The following CFH variants were observed in gnomAD, a reference collection of about 807,000 sequenced individuals.
CFH encodes complement factor H.
CFH carries 53 observed loss-of-function variants against 147.3 expected under a neutral mutation model. That is an observed-to-expected ratio of 0.36 (90% CI 0.29 to 0.45). CFH has a LOEUF of 0.45. Ranked by LOEUF, CFH falls within the 20% of genes least tolerant of loss-of-function variation. The probability of loss-of-function intolerance (pLI) is 1.00; values close to 1 mark genes in which losing one functional copy is unlikely to be tolerated. For missense variants in CFH, 1,380 were observed against 1,498.0 expected, an observed-to-expected ratio of 0.92 and a Z score of 1.30; for synonymous variants, 536 against 489.4, an observed-to-expected ratio of 1.10 and a Z score of -1.26.
intron 9 of CFH, among the ~76,000 whole-genome samples, chr1:196,697,791 G>A (rs757269929): frequency 5.3e-5 from 8 of 152,094 alleles, no homozygotes; most frequent in South Asian, 4.1e-4. Context: ...TTAAGAAAAT[G>A]TGGCACATAT....
At chr1:196,701,387 C>A in intron 9 of CFH, 3 of 1,613,078 alleles carry the variant, frequency 1.9e-6, no homozygotes, top group Non-Finnish European at 2.5e-6. Flanking sequence ...ATGACAAGGG[C>A]CAATGGAACC....
Position 196,740,606 on chromosome 1 carries a change from C to A in CFH, c.2783-13C>A. ...TGAGTTAGTGAAACCTGAATTCATT[C>A]TTTTTTTTTTAGGCCTTCCTTGTAA... On this transcript the variant is annotated splice_polypyrimidine_tract_variant and intron_variant, in intron 17 of 21. Coordinates refer to ENST00000367429, the MANE Select transcript of CFH (RefSeq NM_000186.4). The A allele has an allele frequency of 7.2e-7, 1 of 1,396,660 alleles. No individual in the cohort carries two copies. Among genetic ancestry groups the A allele is most frequent in the South Asian group, 1.3e-5 (1 of 78,402 alleles). The allele number at this position is 1,396,660 out of a possible 1,614,324, so 86.5% of individuals were successfully genotyped here.
intron 7 of CFH, among the ~76,000 whole-genome samples, chr1:196,686,305 T>C (rs1188238852): frequency 2.6e-5 from 4 of 152,032 alleles, no homozygotes; most frequent in Non-Finnish European, 5.9e-5. Context: ...CCAGCATATA[T>C]CCAAGGGGAG....
At chr1:196,703,188 T>C (rs966095361) in intron 9 of CFH, among the ~76,000 whole-genome samples, 12 of 152,154 alleles carry the variant, frequency 7.9e-5, no homozygotes, top group Non-Finnish European at 1.3e-4. Flanking sequence ...ACCCTAGTAG[T>C]CCCTGGACCA....
At chr1:196,699,719 G>A (rs973062081) in intron 9 of CFH, among the ~76,000 whole-genome samples, 1 of 152,112 alleles carries the variant, frequency 6.6e-6, no homozygotes, top group African/African-American at 2.4e-5. Flanking sequence ...ATGCGTTACT[G>A]TTCCAGTATC....
chr1:196,746,499 T>C (rs1653009834), intron 21 of CFH, among the ~76,000 whole-genome samples: 1 of 152,240 alleles, frequency 6.6e-6, no homozygotes, highest in Admixed American at 6.5e-5. Context: ...TTATATTTTA[T>C]TTTAAAGCAT....
At chr1:196,711,758 C>T (rs1450048678) in intron 9 of CFH, among the ~76,000 whole-genome samples, 1 of 151,964 alleles carries the variant, frequency 6.6e-6, no homozygotes, top group African/African-American at 2.4e-5. Flanking sequence ...AAATGTCTCC[C>T]TGTGTTGTGT....
In CFH at chr1:196,715,623, C is replaced by T. The variant is rs897349638; in HGVS notation, c.1550C>T (p.Ala517Val). The stretch of plus-strand genomic sequence containing the variant: ...TGTGATATCCCAGTATTTATGAATG[C>T]CAGAACTAAAAATGACTTCACATGG... The part of the protein sequence containing the change: ...KSCDIPVFMN[A>V]RTKNDFTWFK... The change falls in exon 11 of 22, where the codon GCC becomes GTC. Residue 517 changes from alanine (A) to valine (V), a missense_variant. This residue lies in a region of CFH where 830 missense variants were observed against 821.4 expected (regional missense o/e 1.01). Transcript: ENST00000367429. 3.7e-6 allele frequency: 6 copies of T among 1,612,246 alleles called. No homozygotes were observed. Among genetic ancestry groups the T allele is most frequent in the Non-Finnish European group, 3.4e-6 (4 of 1,178,952 alleles).
intron 1 of CFH, among the ~76,000 whole-genome samples, chr1:196,664,179 TCA>T (rs573392142): frequency 2.6e-4 from 40 of 152,192 alleles, no homozygotes; most frequent in African/African-American, 9.4e-4. Flanking sequence ...TCCCAGCCTC[TCA>T]CATAGCTGGG....
Position 196,747,131 on chromosome 1 carries a change from G to T in CFH, c.3514G>T (p.Glu1172Ter), listed in dbSNP as rs121913060. The T allele has an allele frequency of 1.9e-6, 3 of 1,613,782 alleles. No individual in the cohort carries two copies. The highest frequency in any genetic ancestry group is 1.7e-5 in the Admixed American group (1 of 60,000). The change falls in exon 22 of 22, where the codon GAA (glutamate) becomes TAA (stop). Residue 1172 changes from glutamate to a stop codon, truncating the protein, a stop_gained. Transcript: ENST00000367429. LOFTEE classifies it low-confidence loss of function (END_TRUNC). ...KCLHPCVISR[E>*]IMENYNIALR... The stretch of plus-strand genomic sequence containing the variant: ...TTCAGATCCGTGTGTAATATCCCGA[G>T]AAATTATGGAAAATTATAACATAGC...
At chr1:196,678,848 G>T (rs532051702) in intron 5 of CFH, 1 of 152,224 alleles carries the variant, frequency 6.6e-6, no homozygotes, top group South Asian at 2.1e-4. Context: ...AGTCTAGGAT[G>T]CAAGTAGGGA....
chr1:196,673,998 G>C (rs761249038), intron 3 of CFH, 36 bp downstream of exon 3: 6 of 1,372,734 alleles, frequency 4.4e-6, no homozygotes, highest in Non-Finnish European at 6.2e-6. Flanking sequence ...TTATAATTAA[G>C]ATAGTAAATA....
chr1:196,684,968 A>G, intron 6 of CFH, 96 bp from the exon 7 acceptor site: 1 of 938,980 alleles, frequency 1.1e-6, no homozygotes, highest in African/African-American at 1.6e-5. Flanking sequence ...TATGCTAAGG[A>G]CAAATAAATA....
intron 11 of CFH, among the ~76,000 whole-genome samples, chr1:196,721,500 C>T (rs997608396): frequency 6.6e-6 from 1 of 151,908 alleles, no homozygotes; most frequent in African/African-American, 2.4e-5. Flanking sequence ...GAGAATGTTC[C>T]ATGCACAGGT....
At chr1:196,717,873 C>T (rs1009630868) in intron 11 of CFH, among the ~76,000 whole-genome samples, 2 of 152,018 alleles carry the variant, frequency 1.3e-5, no homozygotes, top group African/African-American at 4.8e-5. Context: ...GGCAACAGGA[C>T]TGCTTACAAC....
intron 9 of CFH, among the ~76,000 whole-genome samples, chr1:196,693,203 C>T (rs529680489): frequency 1.4e-4 from 22 of 152,084 alleles, no homozygotes; most frequent in African/African-American, 4.8e-4. Context: ...AAAAATTAAA[C>T]ATACTTGAGT....
chr1:196,703,982 CA>C (rs386369224), intron 9 of CFH, among the ~76,000 whole-genome samples: 108 of 60,600 alleles, frequency 1.8e-3, no homozygotes, highest in Middle Eastern at 8.9e-3. Context: ...AAGACTCTGT[CA>C]AAAAAAAAAA....
intron 20 of CFH, 33 bp downstream of exon 20, chr1:196,743,661 G>A (rs1208018204): frequency 1.2e-6 from 2 of 1,613,272 alleles, no homozygotes; most frequent in East Asian, 2.2e-5. Context: ...ACATTTTGGG[G>A]GAGTATAGCA....
intron 9 of CFH, among the ~76,000 whole-genome samples, chr1:196,692,895 C>T (rs1668113690): frequency 7.5e-6 from 1 of 134,078 alleles, no homozygotes; most frequent in African/African-American, 2.9e-5. Flanking sequence ...CCCTCCCTCC[C>T]TCCCTCCCTT....
Sources: allele counts gnomAD v4.1 joint callset (sites outside exome capture counted in the v4.1 genomes callset), GRCh38; gene constraint gnomAD v4.1.1; regional missense constraint gnomAD v4.1.1; transcripts MANE v1.5; gene names NCBI Gene and HGNC (gene_info 2026-07-23, HGNC 2026-07-21).